The following ADD2 variants were observed in gnomAD, a reference collection of about 807,000 sequenced individuals.
ADD2 encodes the protein adducin 2, also known as beta-adducin.
ADD2 carries 23 observed loss-of-function variants against 83.0 expected under a neutral mutation model. The ratio of observed to expected loss-of-function variants is 0.28; its 90% CI spans 0.20 to 0.39. The LOEUF is 0.39. Among genes scored for constraint, ADD2 ranks in the 10% least tolerant of loss-of-function variants. ADD2 has a pLI of 1.00. For missense variants in ADD2, 758 were observed against 944.9 expected, an observed-to-expected ratio of 0.80 and a Z score of 2.59; for synonymous variants, 375 against 375.4, an observed-to-expected ratio of 1.00 and a Z score of 0.01.
intron 3 of ADD2, among the ~76,000 whole-genome samples, chr2:70,705,480 G>A (rs139062592): frequency 2.0e-5 from 3 of 152,276 alleles, no homozygotes; most frequent in African/African-American, 7.2e-5. Context: ...CCGATCCTTA[G>A]GATCATGGGC....
At chr2:70,723,548 T>C (rs1400791090) in intron 1 of ADD2, among the ~76,000 whole-genome samples, 1 of 152,208 alleles carries the variant, frequency 6.6e-6, no homozygotes, top group Non-Finnish European at 1.5e-5. Flanking sequence ...ATTTCTGCAC[T>C]ACAAGACATA....
At chr2:70,767,829 G>A (rs1304911380) in intron 1 of ADD2, 57 bp downstream of exon 1, 11 of 1,528,566 alleles carry the variant, frequency 7.2e-6, no homozygotes, top group Non-Finnish European at 9.6e-6. Flanking sequence ...CAGGGTCTCC[G>A]CGCCAGGAGA....
intron 14 of ADD2, 162 bp from the exon 15 acceptor site, chr2:70,673,168 G>T: frequency 5.1e-6 from 8 of 1,580,544 alleles, no homozygotes; most frequent in Non-Finnish European, 7.0e-6. Context: ...GACCTTCTTA[G>T]ATTTCTGCTA....
At chr2:70,736,733 G>A (rs903554900) in intron 1 of ADD2, among the ~76,000 whole-genome samples, 1 of 150,710 alleles carries the variant, frequency 6.6e-6, no homozygotes, top group East Asian at 1.9e-4. Context: ...TCCTCACACT[G>A]TATTGGACAT....
intron 15 of ADD2, among the ~76,000 whole-genome samples, chr2:70,664,771 G>A (rs527498096): frequency 0.087 from 13,276 of 151,960 alleles, 602 homozygotes; most frequent in Middle Eastern, 0.12. Flanking sequence ...GTGTGCAAGT[G>A]TGAGTGGGCA....
intron 1 of ADD2, among the ~76,000 whole-genome samples, chr2:70,735,140 T>G (rs1312203941): frequency 9.2e-5 from 14 of 152,196 alleles, no homozygotes; most frequent in Admixed American, 9.2e-4. Context: ...ATTGCTTTAT[T>G]ATTATTATTA....
In ADD2 at chr2:70,689,641, T is replaced by C. The variant is rs138565772; in HGVS notation, c.849+1145A>G. ...GAGAGAGAGGTGGGATACCTCACTG[T>C]GTTAGAGATGAGAAGACAGGGACTC... On this transcript the variant is annotated intron_variant, in intron 8 of 15. Transcript: ENST00000264436. 5.3e-4 allele frequency among the ~76,000 whole-genome samples: 81 copies of C among 152,302 alleles called. No individual in the cohort carries two copies. The East Asian group carries it at 0.015, about 29-fold the overall frequency.
intron 9 of ADD2, among the ~76,000 whole-genome samples, chr2:70,687,784 A>C (rs970117069): frequency 2.0e-5 from 3 of 152,214 alleles, no homozygotes; most frequent in Middle Eastern, 3.2e-3. Flanking sequence ...CTGACCCCTA[A>C]GAAGTGGGTA....
At position 70,704,468 on chromosome 2, in the gene ADD2, G is replaced by C; in HGVS notation, c.184-9C>G. 1 of 1,613,900 alleles carries C rather than the reference G, an allele frequency of 6.2e-7. No homozygotes were observed. Among genetic ancestry groups the C allele is most frequent in the Non-Finnish European group, 8.5e-7 (1 of 1,179,944 alleles). On this transcript the variant is annotated splice_polypyrimidine_tract_variant and intron_variant, in intron 3 of 15. Transcript: ENST00000264436. ...AGCTCCTCCCTGAAAGACTGAAGCA[G>C]GCCCCGAGGTGCTTGTCCCCCCACA... is the stretch of plus-strand genomic sequence containing the variant.
rs782818465 is a variant in ADD2, at chr2:70,677,775, G to A, written c.1486C>T (p.Leu496=). Residue 496 remains leucine, a synonymous_variant, in exon 12 of 16, where the codon CTG becomes TTG. Coordinates refer to ENST00000264436, the MANE Select transcript of ADD2 (RefSeq NM_001617.4). ...CCACTTACCTTGTTCCTCATCTCCA[G>A]TACTTCCTGGGGGTCAGTATAGAGA... ...VPLYTDPQEV[L]EMRNKIREQN... 6.2e-7 allele frequency: 1 copy of A among 1,614,220 alleles called. No individual in the cohort carries two copies. Among genetic ancestry groups the A allele is most frequent in the South Asian group, 1.1e-5 (1 of 91,074 alleles).
chr2:70,709,489 AC>A (rs1427711505), intron 2 of ADD2, among the ~76,000 whole-genome samples: 1 of 152,180 alleles, frequency 6.6e-6, no homozygotes, highest in Non-Finnish European at 1.5e-5. Flanking sequence ...TGAGCTCTAG[AC>A]TAGAAGTCAG....
At chr2:70,670,415 T>A (rs77753265) in intron 15 of ADD2, among the ~76,000 whole-genome samples, 1,552 of 152,332 alleles carry the variant, frequency 0.01, 21 homozygotes, top group African/African-American at 0.035. Context: ...GATCATGTGA[T>A]GTCAAATACA....
At chr2:70,761,915 C>T (rs1553385078) in intron 1 of ADD2, among the ~76,000 whole-genome samples, 8 of 151,480 alleles carry the variant, frequency 5.3e-5, no homozygotes, top group South Asian at 4.2e-4. Flanking sequence ...ACGATCTACC[C>T]GCCCTGGCCT....
intron 1 of ADD2, among the ~76,000 whole-genome samples, chr2:70,747,417 T>C (rs192611094): frequency 3.1e-4 from 43 of 138,674 alleles, no homozygotes; most frequent in Non-Finnish European, 3.7e-4. Context: ...CATCATGCCA[T>C]GTGCTCTCCC....
intron 1 of ADD2, among the ~76,000 whole-genome samples, chr2:70,719,862 GC>G (rs1335635354): frequency 1.3e-5 from 2 of 152,028 alleles, no homozygotes; most frequent in African/African-American, 4.8e-5. Flanking sequence ...CTGCTCTTTG[GC>G]CCAATCTGAG....
At chr2:70,748,859 G>A (rs1374535198) in intron 1 of ADD2, among the ~76,000 whole-genome samples, 1 of 152,136 alleles carries the variant, frequency 6.6e-6, no homozygotes, top group Non-Finnish European at 1.5e-5. Flanking sequence ...GTGCAACACA[G>A]TTCAAGCCAT....
intron 1 of ADD2, among the ~76,000 whole-genome samples, chr2:70,727,075 C>G (rs1314176286): frequency 6.6e-6 from 1 of 152,214 alleles, no homozygotes; most frequent in African/African-American, 2.4e-5. Flanking sequence ...TAGTGGCTAC[C>G]TAGAAGGGCT....
At position 70,713,203 on chromosome 2, in the gene ADD2, A is replaced by T; in HGVS notation, c.-153-19T>A. 1 of 963,658 alleles carries T rather than the reference A, an allele frequency of 1.0e-6. No homozygotes were observed. Among genetic ancestry groups the T allele is most frequent in the Non-Finnish European group, 1.2e-6 (1 of 810,084 alleles). The allele number at this position is 963,658 out of a possible 1,614,324, so 59.7% of individuals were successfully genotyped here. On this transcript the variant is annotated intron_variant, in intron 1 of 15. Coordinates refer to ENST00000264436, the MANE Select transcript of ADD2 (RefSeq NM_001617.4). The stretch of plus-strand genomic sequence containing the variant: ...GTGGAAACTGCAAAACACAAACACG[A>T]CAAGTGTCAGGGCCTGCACCACCAT...
At chr2:70,745,680 CCT>C (rs1674155951) in intron 1 of ADD2, among the ~76,000 whole-genome samples, 2 of 152,176 alleles carry the variant, frequency 1.3e-5, no homozygotes, top group Admixed American at 6.5e-5. Flanking sequence ...ATTGCTTGCC[CCT>C]CTTTCCTGAG....
Sources: allele counts gnomAD v4.1 joint callset (sites outside exome capture counted in the v4.1 genomes callset), GRCh38; gene constraint gnomAD v4.1.1; transcripts MANE v1.5; gene names NCBI Gene and HGNC (gene_info 2026-07-23, HGNC 2026-07-21).